Variants in TRPC4 observed in about 807,000 individuals in gnomAD.
TRPC4 encodes transient receptor potential cation channel subfamily C member 4, also known as short transient receptor potential channel 4.
Under a neutral mutation model 99.4 loss-of-function variants are expected in TRPC4, and 49 were observed. The observed-to-expected ratio is 0.49, with a 90% confidence interval of 0.39 to 0.63. The LOEUF is 0.63. Ranked by LOEUF, TRPC4 falls within the 20% of genes least tolerant of loss-of-function variation. The pLI is 0.00. For missense variants in TRPC4, 898 were observed against 1,152.9 expected (o/e 0.78, Z 3.20); for synonymous variants, 454 against 425.9 (o/e 1.07, Z -0.81).
At chr13:37,672,978 G>A (rs1387975793) in intron 5 of TRPC4, among the ~76,000 whole-genome samples, 1 of 151,714 alleles carries the variant, frequency 6.6e-6, no homozygotes, top group Admixed American at 6.6e-5. Context: ...TAAGTTCTAG[G>A]GTACATGTGC....
chr13:37,869,517 G>A (rs1344924438), intron 1 of TRPC4, 78 bp downstream of exon 1: 2 of 152,216 alleles, frequency 1.3e-5, no homozygotes, highest in Non-Finnish European at 2.9e-5. Flanking sequence ...GGCAGCTTAG[G>A]AAACTTAACC....
Position 37,663,505 on chromosome 13 carries a change from G to A in TRPC4, c.1599C>T (p.Gly533=), listed in dbSNP as rs1228722211. ...YCLVLLAFAN[G]LNQLYFYYEE... is the part of the protein sequence containing the mutation. ...CATAATAGAAGTACAATTGATTTAGGCCATTTGCAAATGCTAGCAACACAA... is the reference window on the plus strand; with the variant it reads ...CATAATAGAAGTACAATTGATTTAGACCATTTGCAAATGCTAGCAACACAA... Residue 533 remains glycine (G), a synonymous_variant, in exon 6 of 11, where the codon GGC becomes GGT. Coordinates refer to ENST00000379705, the MANE Select transcript of TRPC4 (RefSeq NM_016179.4). 4 of 1,613,970 alleles carry A rather than the reference G, an allele frequency of 2.5e-6. No individual in the cohort carries two copies.
intron 10 of TRPC4, 34 bp from the exon 11 acceptor site, chr13:37,637,659 G>C: frequency 6.5e-7 from 1 of 1,533,202 alleles, no homozygotes; most frequent in Non-Finnish European, 8.7e-7. Flanking sequence ...ATTCGGTTAT[G>C]ACTTAAACAT....
At chr13:37,787,880 G>A (rs532282706) in intron 1 of TRPC4, among the ~76,000 whole-genome samples, 2 of 151,880 alleles carry the variant, frequency 1.3e-5, no homozygotes, top group African/African-American at 2.4e-5. Context: ...AAAACTAAGC[G>A]CTATCTCCAT....
rs1356513407 is a variant in TRPC4, at chr13:37,825,921, G to T, written c.-27-42561C>A. On this transcript the variant is annotated intron_variant, in intron 1 of 10. Transcript: ENST00000379705. ...GTGTGGGAGTCAAAGTCTCTTTGTA[G>T]GTCACTCAGGACTTGCTTTATGAAT... 8.9e-5 allele frequency among the ~76,000 whole-genome samples: 13 copies of T among 145,634 alleles called. No homozygotes were observed. In the East Asian group the frequency reaches 2.4e-3, roughly 27 times the overall value.
At chr13:37,823,360 G>C (rs1179235098) in intron 1 of TRPC4, among the ~76,000 whole-genome samples, 4 of 150,760 alleles carry the variant, frequency 2.7e-5, no homozygotes, top group African/African-American at 4.9e-5. Flanking sequence ...CCTATGTCCT[G>C]AATGGTAATG....
rs866817349 is a variant in TRPC4, at chr13:37,639,812, G to A, written c.2080-513C>T. Reference sequence around the variant, plus strand: ...GAGATTCCTGTTTAAATAGATGGCTGGATTTAACGGAATAAATAAATAAAG... The same window carrying A: ...GAGATTCCTGTTTAAATAGATGGCTAGATTTAACGGAATAAATAAATAAAG... On this transcript the variant is annotated intron_variant, in intron 8 of 10. Transcript: ENST00000379705. 4.6e-5 allele frequency among the ~76,000 whole-genome samples: 7 copies of A among 150,810 alleles called. No individual in the cohort carries two copies. The South Asian group carries it at 1.0e-3, about 22-fold the overall frequency.
chr13:37,707,988 A>G (rs1329937901), intron 3 of TRPC4, among the ~76,000 whole-genome samples: 1 of 152,044 alleles, frequency 6.6e-6, no homozygotes, highest in African/African-American at 2.4e-5. Context: ...CCTGACCTTT[A>G]CTGACTGGGG....
intron 4 of TRPC4, among the ~76,000 whole-genome samples, chr13:37,676,742 T>G (rs1953068757): frequency 6.6e-6 from 1 of 152,018 alleles, no homozygotes; most frequent in African/African-American, 2.4e-5. Context: ...ACAACACAAA[T>G]AGCTCTAAGA....
chr13:37,643,042 C>A (rs920286619), intron 8 of TRPC4, among the ~76,000 whole-genome samples: 1 of 152,004 alleles, frequency 6.6e-6, no homozygotes, highest in Non-Finnish European at 1.5e-5. Flanking sequence ...AAATACGATT[C>A]TTTTACCATG....
At chr13:37,785,981 G>A (rs1305850984) in intron 1 of TRPC4, among the ~76,000 whole-genome samples, 1 of 152,010 alleles carries the variant, frequency 6.6e-6, no homozygotes, top group Non-Finnish European at 1.5e-5. Context: ...ATTTTAGTCA[G>A]CACTGTAATT....
intron 4 of TRPC4, 72 bp downstream of exon 4, chr13:37,691,927 A>C (rs1953726842): frequency 1.2e-5 from 17 of 1,408,294 alleles, no homozygotes; most frequent in Non-Finnish European, 1.7e-5. Context: ...AACATTAATG[A>C]ATATTTTCTG....
intron 2 of TRPC4, among the ~76,000 whole-genome samples, chr13:37,747,337 A>C (rs1357804100): frequency 6.6e-6 from 1 of 152,172 alleles, no homozygotes; most frequent in Non-Finnish European, 1.5e-5. Context: ...ATTTCCACAT[A>C]CTTTAAAGAC....
chr13:37,678,847 A>G (rs1453709530), intron 4 of TRPC4, among the ~76,000 whole-genome samples: 1 of 152,174 alleles, frequency 6.6e-6, no homozygotes, highest in African/African-American at 2.4e-5. Context: ...AGTAGTGAAT[A>G]AAAGTTAGCA....
At chr13:37,730,229 G>T (rs910837920) in intron 3 of TRPC4, among the ~76,000 whole-genome samples, 1 of 151,916 alleles carries the variant, frequency 6.6e-6, no homozygotes, top group African/African-American at 2.4e-5. Flanking sequence ...TACCTCAGGA[G>T]GTAGTTTCAG....
chr13:37,732,731 A>G (rs556596568), intron 3 of TRPC4, among the ~76,000 whole-genome samples: 1 of 152,304 alleles, frequency 6.6e-6, no homozygotes, highest in South Asian at 2.1e-4. Flanking sequence ...GGTACAAGAA[A>G]AAATACCTAA....
At chr13:37,799,731 T>C (rs112810295) in intron 1 of TRPC4, among the ~76,000 whole-genome samples, 2,011 of 152,300 alleles carry the variant, frequency 0.013, 49 homozygotes, top group African/African-American at 0.047. Flanking sequence ...GCAATCACAT[T>C]GTAATCCAAA....
At chr13:37,649,718 C>T (rs866584852) in intron 8 of TRPC4, among the ~76,000 whole-genome samples, 20 of 104,350 alleles carry the variant, frequency 1.9e-4, no homozygotes, top group Middle Eastern at 0.011. Context: ...GGCAACTGAG[C>T]GAGACTCCGT....
At chr13:37,822,097 T>C (rs1958029845) in intron 1 of TRPC4, among the ~76,000 whole-genome samples, 1 of 151,892 alleles carries the variant, frequency 6.6e-6, no homozygotes, top group South Asian at 2.1e-4. Flanking sequence ...TATAAGTAAC[T>C]TAAATTTATA....
Sources: gnomAD v4.1 joint callset for allele counts (sites outside exome capture counted in the v4.1 genomes callset) on GRCh38, gnomAD v4.1.1 for gene constraint, MANE v1.5 for transcripts, NCBI Gene and HGNC (gene_info 2026-07-23, HGNC 2026-07-21) for gene names.